NEDD4L: variants seen among roughly 807,000 people sequenced by gnomAD.
The protein encoded by NEDD4L is E3 ubiquitin-protein ligase NEDD4-like.
In NEDD4L, 54 loss-of-function variants were observed where a neutral mutation model predicts 148.9. That is an observed-to-expected ratio of 0.36 (90% CI 0.29 to 0.45). NEDD4L has a LOEUF of 0.45. Ranked by LOEUF, NEDD4L falls within the 20% of genes least tolerant of loss-of-function variation. The probability of loss-of-function intolerance (pLI) is 1.00; values close to 1 mark genes in which losing one functional copy is unlikely to be tolerated. For missense variants in NEDD4L, 856 were observed against 1,233.8 expected (o/e 0.69, Z 4.59); for synonymous variants, 433 against 440.7 (o/e 0.98, Z 0.22).
intron 24 of NEDD4L, among the ~76,000 whole-genome samples, chr18:58,380,308 A>ATTTG (rs950560682): frequency 2.7e-5 from 4 of 146,896 alleles, no homozygotes; most frequent in Admixed American, 2.7e-4. Flanking sequence ...TTATTTATTT[A>ATTTG]TTTATTTATT....
In NEDD4L at chr18:58,391,536, G is replaced by C; in HGVS notation, c.2802G>C (p.Glu934Asp). The change falls in exon 30 of 31, where the codon GAG becomes GAC. Residue 934 changes from glutamate (E) to aspartate (D), a missense_variant. By Grantham distance (45) the Glu-to-Asp change is conservative (BLOSUM62 2). Transcript: ENST00000400345. ...CAATAGAGCAATGGGGCAGTCCTGAGAAACTGCCCAGAGCTCACACATGGT... is the reference window on the plus strand; with the variant it reads ...CAATAGAGCAATGGGGCAGTCCTGACAAACTGCCCAGAGCTCACACATGGT... ...LFTIEQWGSP[E>D]KLPRAHTCFN... is the part of the protein sequence containing the mutation. 1 of 1,580,644 alleles carries C rather than the reference G, an allele frequency of 6.3e-7. No homozygotes were observed.
intron 2 of NEDD4L, among the ~76,000 whole-genome samples, chr18:58,210,972 A>G (rs1003506366): frequency 5.3e-5 from 8 of 152,230 alleles, no homozygotes; most frequent in African/African-American, 1.9e-4. Context: ...ACACAATCAT[A>G]TTGAAGGAGA....
chr18:58,222,988 T>C (rs1011544340), intron 2 of NEDD4L, among the ~76,000 whole-genome samples: 3 of 150,684 alleles, frequency 2.0e-5, no homozygotes, highest in Admixed American at 1.3e-4. Flanking sequence ...GTGAGTTTCA[T>C]TAGCAATGAC....
intron 26 of NEDD4L, among the ~76,000 whole-genome samples, chr18:58,385,805 G>A (rs144383788): frequency 1.9e-3 from 294 of 151,810 alleles, no homozygotes; most frequent in African/African-American, 6.8e-3. Context: ...CCTTTTCACG[G>A]GTTCTCCTGC....
At chr18:58,257,661 C>A (rs913199804) in intron 5 of NEDD4L, among the ~76,000 whole-genome samples, 5 of 152,118 alleles carry the variant, frequency 3.3e-5, no homozygotes, top group Non-Finnish European at 5.9e-5. Flanking sequence ...CTGATCGCTC[C>A]CTTTCAGTGA....
chr18:58,066,312 C>T (rs2082587543), intron 1 of NEDD4L, among the ~76,000 whole-genome samples: 1 of 149,900 alleles, frequency 6.7e-6, no homozygotes, highest in African/African-American at 2.4e-5. Flanking sequence ...TGAGAGTGAT[C>T]TCGTTGAATG....
chr18:58,097,328 C>G (rs565978540), intron 1 of NEDD4L, among the ~76,000 whole-genome samples: 9 of 152,288 alleles, frequency 5.9e-5, no homozygotes, highest in Admixed American at 3.9e-4. Flanking sequence ...TCGCAGTTGG[C>G]CGGCAGGCTG....
At chr18:58,267,064 T>C (rs2050321904) in intron 5 of NEDD4L, among the ~76,000 whole-genome samples, 1 of 152,088 alleles carries the variant, frequency 6.6e-6, no homozygotes, top group East Asian at 1.9e-4. Flanking sequence ...CTTCCGTATA[T>C]TTGTCACCCA....
intron 5 of NEDD4L, among the ~76,000 whole-genome samples, chr18:58,283,695 T>G (rs2053505608): frequency 6.8e-6 from 1 of 147,236 alleles, no homozygotes; most frequent in African/African-American, 2.5e-5. Context: ...GAATCCCTTT[T>G]GAAAAGGTAA....
chr18:58,112,816 G>A (rs1413771115), intron 1 of NEDD4L, among the ~76,000 whole-genome samples: 1 of 152,160 alleles, frequency 6.6e-6, no homozygotes, highest in Non-Finnish European at 1.5e-5. Context: ...TTAATATAAT[G>A]TGAAATCATG....
intron 5 of NEDD4L, among the ~76,000 whole-genome samples, chr18:58,276,194 G>GTTTT (rs1200942500): frequency 8.7e-5 from 5 of 57,504 alleles, no homozygotes; most frequent in African/African-American, 2.4e-4. Context: ...TTTCTTTTTC[G>GTTTT]TTTTTTTTTT....
chr18:58,112,032 C>T (rs2145677876), intron 1 of NEDD4L, among the ~76,000 whole-genome samples: 1 of 152,330 alleles, frequency 6.6e-6, no homozygotes, highest in East Asian at 1.9e-4. Context: ...CACATTTCTG[C>T]ATTACTGACT....
At chr18:58,153,590 G>C (rs985691898) in intron 1 of NEDD4L, among the ~76,000 whole-genome samples, 1 of 151,682 alleles carries the variant, frequency 6.6e-6, no homozygotes, top group East Asian at 1.9e-4. Context: ...GATCTGCTTT[G>C]TGTCTCTTAG....
At chr18:58,329,439 C>T (rs2059607293) in intron 10 of NEDD4L, among the ~76,000 whole-genome samples, 2 of 152,100 alleles carry the variant, frequency 1.3e-5, no homozygotes, top group Non-Finnish European at 2.9e-5. Flanking sequence ...TCACTGCAAC[C>T]TCCGCCTCCT....
intron 11 of NEDD4L, among the ~76,000 whole-genome samples, chr18:58,331,748 T>TAA (rs1242193908): frequency 6.6e-6 from 1 of 151,034 alleles, no homozygotes. Context: ...AATGGCATCC[T>TAA]AAAAAAAAAT....
chr18:58,332,104 G>A (rs1041003736), intron 11 of NEDD4L, among the ~76,000 whole-genome samples: 1 of 152,172 alleles, frequency 6.6e-6, no homozygotes, highest in Admixed American at 6.5e-5. Context: ...AAGCAAGGAG[G>A]TACCACAGAA....
At chr18:58,324,359 G>T (rs9959043) in intron 8 of NEDD4L, among the ~76,000 whole-genome samples, 4 of 152,216 alleles carry the variant, frequency 2.6e-5, no homozygotes, top group Non-Finnish European at 5.9e-5. Flanking sequence ...CATGAAACCC[G>T]TTGGTGTGGA....
At chr18:58,355,159 C>G (rs958509368) in intron 18 of NEDD4L, among the ~76,000 whole-genome samples, 2 of 152,064 alleles carry the variant, frequency 1.3e-5, no homozygotes, top group East Asian at 1.9e-4. Flanking sequence ...TAGAAGATGT[C>G]TTGAACTGGG....
chr18:58,180,969 T>C (rs576746027), intron 2 of NEDD4L, among the ~76,000 whole-genome samples: 31 of 152,346 alleles, frequency 2.0e-4, no homozygotes, highest in Admixed American at 2.0e-3. Flanking sequence ...TGCATTTTTG[T>C]TCTAGCCAAA....
Sources: gnomAD v4.1 joint callset for allele counts (sites outside exome capture counted in the v4.1 genomes callset) on GRCh38, gnomAD v4.1.1 for gene constraint, MANE v1.5 for transcripts, NCBI Gene and HGNC (gene_info 2026-07-23, HGNC 2026-07-21) for gene names.